The following BMPR1B variants were observed in gnomAD, a reference collection of about 807,000 sequenced individuals.
The protein encoded by BMPR1B is bone morphogenetic protein receptor type-1B.
A neutral mutation model predicts 59.1 loss-of-function variants in BMPR1B; 12 were observed. The observed-to-expected ratio is 0.20, with a 90% CI of 0.13 to 0.33. The LOEUF is 0.33. BMPR1B is among the 10% of genes least tolerant of loss of function. BMPR1B has a pLI of 1.00. For synonymous variants in BMPR1B, 237 were observed against 207.3 expected (o/e 1.14, Z -1.23); for missense variants, 550 against 610.9 (o/e 0.90, Z 1.05).
chr4:95,079,325 T>C (rs575188142), intron 3 of BMPR1B, among the ~76,000 whole-genome samples: 18 of 152,308 alleles, frequency 1.2e-4, no homozygotes, highest in Admixed American at 9.8e-4. Flanking sequence ...AAGAAAACTT[T>C]ATCACGTGCG....
chr4:94,952,369 T>A (rs1023088455), intron 2 of BMPR1B, among the ~76,000 whole-genome samples: 2 of 152,210 alleles, frequency 1.3e-5, no homozygotes, highest in Non-Finnish European at 2.9e-5. Flanking sequence ...TGATTTTAGA[T>A]CTTTCCCAAT....
At chr4:95,107,738 G>T (rs1324094965) in intron 4 of BMPR1B, among the ~76,000 whole-genome samples, 1 of 152,066 alleles carries the variant, frequency 6.6e-6, no homozygotes, top group Non-Finnish European at 1.5e-5. Context: ...TTGTGGCCGG[G>T]ACTCCAAAGT....
chr4:94,962,369 C>T (rs897416055), intron 2 of BMPR1B, among the ~76,000 whole-genome samples: 3 of 152,256 alleles, frequency 2.0e-5, no homozygotes, highest in Middle Eastern at 3.4e-3. Context: ...AACCCATGAC[C>T]TCAAGTGATG....
At chr4:94,768,135 T>C (rs902927443) in intron 1 of BMPR1B, among the ~76,000 whole-genome samples, 3 of 152,066 alleles carry the variant, frequency 2.0e-5, no homozygotes, top group African/African-American at 7.2e-5. Context: ...ATTAAAGATT[T>C]TGTGTATATT....
At chr4:94,800,609 T>C (rs895153209) in intron 1 of BMPR1B, among the ~76,000 whole-genome samples, 1 of 152,170 alleles carries the variant, frequency 6.6e-6, no homozygotes, top group East Asian at 1.9e-4. Flanking sequence ...TGCATTTCTT[T>C]ATCTGTGTGA....
intron 10 of BMPR1B, among the ~76,000 whole-genome samples, chr4:95,138,069 G>C (rs1464960088): frequency 6.6e-6 from 1 of 152,174 alleles, no homozygotes; most frequent in African/African-American, 2.4e-5. Context: ...TATGTTTAGT[G>C]CTTCCTTCAG....
At chr4:94,975,134 T>C (rs2149081069) in intron 2 of BMPR1B, among the ~76,000 whole-genome samples, 1 of 152,162 alleles carries the variant, frequency 6.6e-6, no homozygotes, top group Middle Eastern at 3.4e-3. Context: ...ATGTGGGCTT[T>C]GGTGGTGGAG....
chr4:95,115,532 T>C (rs1014025033), intron 5 of BMPR1B, among the ~76,000 whole-genome samples, 153 bp from the exon 6 acceptor site: 2 of 152,204 alleles, frequency 1.3e-5, no homozygotes, highest in African/African-American at 4.8e-5. Flanking sequence ...TGAAATAAAT[T>C]ACCTTATAGA....
At chr4:94,814,591 TATA>T (rs535248515) in intron 1 of BMPR1B, among the ~76,000 whole-genome samples, 1 of 152,276 alleles carries the variant, frequency 6.6e-6, no homozygotes, top group South Asian at 2.1e-4. Flanking sequence ...ATATAAGTAT[TATA>T]ATGCAATACC....
At chr4:95,014,971 G>A (rs1332917324) in intron 3 of BMPR1B, among the ~76,000 whole-genome samples, 1 of 152,202 alleles carries the variant, frequency 6.6e-6, no homozygotes, top group Non-Finnish European at 1.5e-5. Flanking sequence ...AGAGGCAGCC[G>A]GAGCAGTGGC....
intron 3 of BMPR1B, among the ~76,000 whole-genome samples, chr4:95,060,393 A>G (rs1487226598): frequency 6.6e-6 from 1 of 152,220 alleles, no homozygotes; most frequent in African/African-American, 2.4e-5. Context: ...CAGTTTAGAC[A>G]TTCTTTTATA....
chr4:94,938,060 A>G lies in BMPR1B; in HGVS notation c.-112-57980A>G, dbSNP rs377393555. Among the ~76,000 whole-genome samples, 17 of 152,308 alleles carry G rather than the reference A, an allele frequency of 1.1e-4. No individual in the cohort carries two copies. In the East Asian group the frequency reaches 2.1e-3, roughly 19 times the overall value. ...TAGAACACTGAATGAAAGTTGAGGT[A>G]TGCATTGTGCTGATTCTATCTGGGG... On this transcript the variant is annotated intron_variant, in intron 2 of 12. Coordinates refer to ENST00000515059, the MANE Select transcript of BMPR1B (RefSeq NM_001203.3).
At chr4:95,061,874 G>A (rs1400034373) in intron 3 of BMPR1B, among the ~76,000 whole-genome samples, 2 of 152,174 alleles carry the variant, frequency 1.3e-5, no homozygotes, top group Non-Finnish European at 2.9e-5. Context: ...CCTGGTGGGA[G>A]GTGATTGGAT....
At chr4:94,782,935 C>G (rs1722637019) in intron 1 of BMPR1B, among the ~76,000 whole-genome samples, 1 of 152,136 alleles carries the variant, frequency 6.6e-6, no homozygotes, top group Non-Finnish European at 1.5e-5. Flanking sequence ...CTGCTTCCCT[C>G]CACTCCTAAT....
rs560987065 is a variant in BMPR1B at position 94,838,085 on chromosome 4, A to G, written c.-182-37746A>G. Among the ~76,000 whole-genome samples the G allele has an allele frequency of 3.5e-5, 5 of 144,898 alleles. No individual in the cohort carries two copies. In the East Asian group the frequency reaches 9.7e-4, roughly 28 times the overall value. ...TGTATTGATTTGCGTATATTGAACC[A>G]GTCTTGCATCCCAGGGATGAAGCCC... On this transcript the variant is annotated intron_variant, in intron 1 of 12. Transcript: ENST00000515059.
chr4:95,011,235 C>T (rs574164659), intron 3 of BMPR1B, among the ~76,000 whole-genome samples: 26 of 152,152 alleles, frequency 1.7e-4, no homozygotes, highest in African/African-American at 6.0e-4. Context: ...CCTCTCCCTC[C>T]GCCCACCCTC....
Position 94,762,486 on chromosome 4 carries a change from C to T in BMPR1B, c.-183+4418C>T, listed in dbSNP as rs187296872. Among the ~76,000 whole-genome samples the T allele has an allele frequency of 9.2e-5, 14 of 152,208 alleles. No homozygotes were observed. In the East Asian group the frequency reaches 1.2e-3, roughly 13 times the overall value. ...TCTGAAAGAACTTCCTATCAGAGGA[C>T]GCACTAGGGTTGTCTCTAAAAGTAG... On this transcript the variant is annotated intron_variant, in intron 1 of 12. Coordinates refer to ENST00000515059, the MANE Select transcript of BMPR1B (RefSeq NM_001203.3).
intron 1 of BMPR1B, among the ~76,000 whole-genome samples, chr4:94,796,967 A>T (rs902016527): frequency 7.9e-5 from 12 of 152,274 alleles, no homozygotes; most frequent in African/African-American, 2.9e-4. Flanking sequence ...AGAATTCAAG[A>T]GATACATATG....
intron 1 of BMPR1B, among the ~76,000 whole-genome samples, chr4:94,827,453 G>A (rs1578688127): frequency 6.6e-6 from 1 of 151,942 alleles, no homozygotes; most frequent in East Asian, 1.9e-4. Flanking sequence ...ATGGTTTTGT[G>A]CTGTTTGCAC....
Sources: allele counts gnomAD v4.1 joint callset (sites outside exome capture counted in the v4.1 genomes callset), GRCh38; gene constraint gnomAD v4.1.1; transcripts MANE v1.5; gene names NCBI Gene and HGNC (gene_info 2026-07-23, HGNC 2026-07-21).